The following DSE variants were observed in gnomAD, a reference collection of about 807,000 sequenced individuals.
The protein encoded by DSE is dermatan-sulfate epimerase.
In DSE, 36 loss-of-function variants were observed where a neutral mutation model predicts 84.4. The observed-to-expected ratio is 0.43, with a 90% CI of 0.33 to 0.56. The LOEUF (loss-of-function observed/expected upper bound fraction) is 0.56. DSE is among the 20% of genes least tolerant of loss of function. The pLI is 0.06. For missense variants in DSE, 862 were observed against 1,169.6 expected (o/e 0.74, Z 3.84); for synonymous variants, 410 against 430.1 (o/e 0.95, Z 0.58).
At chr6:116,326,588 A>C (rs184710941) in intron 2 of DSE, among the ~76,000 whole-genome samples, 2 of 152,282 alleles carry the variant, frequency 1.3e-5, no homozygotes, top group Admixed American at 1.3e-4. Flanking sequence ...TGAGGCAGCC[A>C]AATCCTGACT....
chr6:116,423,365 TC>T (rs1281772484), intron 2 of DSE, among the ~76,000 whole-genome samples: 5 of 89,694 alleles, frequency 5.6e-5, no homozygotes, highest in African/African-American at 1.6e-4. Context: ...GCTTCTGCGT[TC>T]CCTCACAGGT....
intron 2 of DSE, among the ~76,000 whole-genome samples, chr6:116,303,861 T>C (rs1393150501): frequency 1.3e-5 from 2 of 151,770 alleles, no homozygotes; most frequent in Non-Finnish European, 2.9e-5. Context: ...GGGGGCCCGG[T>C]GCGGTGGCTC....
At chr6:116,330,843 TGAG>T (rs955404474) in intron 2 of DSE, among the ~76,000 whole-genome samples, 20 of 152,164 alleles carry the variant, frequency 1.3e-4, no homozygotes, top group Non-Finnish European at 2.8e-4. Context: ...CATTAAATGA[TGAG>T]GAAAAATTGC....
At chr6:116,399,920 G>C (rs1271764733) in intron 2 of DSE, 9 of 464,924 alleles carry the variant, frequency 1.9e-5, no homozygotes, top group Non-Finnish European at 3.4e-5. Flanking sequence ...TTGCTGAATT[G>C]AGTAAAGAGT....
At chr6:116,432,238 T>C (rs1783886232) in intron 4 of DSE, among the ~76,000 whole-genome samples, 2 of 152,220 alleles carry the variant, frequency 1.3e-5, no homozygotes, top group African/African-American at 4.8e-5. Context: ...ATCTAAAGGC[T>C]AACTACATCA....
intron 1 of DSE, among the ~76,000 whole-genome samples, chr6:116,389,005 AT>A (rs1780732423): frequency 2.0e-5 from 3 of 152,218 alleles, no homozygotes. Context: ...AGAATAAACA[AT>A]GCATTGTACA....
chr6:116,407,585 ACTT>A (rs1405967973), intron 2 of DSE, among the ~76,000 whole-genome samples: 1 of 152,044 alleles, frequency 6.6e-6, no homozygotes, highest in East Asian at 1.9e-4. Flanking sequence ...ACTGTCTTCC[ACTT>A]CTTCTTGTTC....
At chr6:116,408,176 A>T (rs3798410) in intron 2 of DSE, among the ~76,000 whole-genome samples, 52,314 of 152,110 alleles carry the variant, frequency 0.34, 9,283 homozygotes, top group Admixed American at 0.37. Context: ...TCTGACCAGG[A>T]GTGTACATCT....
chr6:116,436,569 G>A lies in DSE; in HGVS notation c.2101G>A (p.Gly701Ser). Residue 701 changes from glycine (G) to serine (S), a missense_variant, in exon 6 of 6, where the codon GGT (glycine) becomes AGT (serine). Around this residue, in one of 4 missense-constraint regions of DSE, gnomAD observed 315 missense variants for 348.1 expected, o/e 0.90. Transcript: ENST00000644252. ...KHAYATYLWT[G>S]EATGQSAFAQ... ...TGCCTACGCCACATACCTGTGGACA[G>A]GTGAGGCCACAGGACAGTCTGCCTT... 1 of 1,614,178 alleles carries A rather than the reference G, an allele frequency of 6.2e-7. No homozygotes were observed. Among genetic ancestry groups the A allele is most frequent in the Non-Finnish European group, 8.5e-7 (1 of 1,180,030 alleles).
chr6:116,333,402 G>A (rs1275568514), intron 2 of DSE, among the ~76,000 whole-genome samples: 2 of 152,114 alleles, frequency 1.3e-5, no homozygotes, highest in East Asian at 3.9e-4. Context: ...ATGAAACAGA[G>A]AAAAAGAGGG....
chr6:116,304,393 A>G (rs1356691961), intron 2 of DSE, among the ~76,000 whole-genome samples: 1 of 152,196 alleles, frequency 6.6e-6, no homozygotes, highest in South Asian at 2.1e-4. Flanking sequence ...CAGGAGATAG[A>G]GTGCCATCCC....
Position 116,440,761 on chromosome 6 carries a change from C to G in DSE, c.*3416C>G, listed in dbSNP as rs1784398593. 2.0e-5 allele frequency: 3 copies of G among 152,136 alleles called. No homozygotes were observed. The highest frequency in any genetic ancestry group is 7.2e-5 in the African/African-American group (3 of 41,422). The allele number at this position is 152,136 out of a possible 1,614,324, so 9.4% of individuals were successfully genotyped here. On this transcript the variant is annotated 3_prime_UTR_variant, in exon 6 of 6. Transcript: ENST00000644252. The stretch of plus-strand genomic sequence containing the variant: ...TAGGTGAACTGGGACATATGGTCAT[C>G]TTTGTCATAGCTTAATTCAGGAAAA...
At chr6:116,303,342 G>T (rs11153608) in intron 2 of DSE, among the ~76,000 whole-genome samples, 36,568 of 151,924 alleles carry the variant, frequency 0.24, 5,529 homozygotes, top group East Asian at 0.64. Flanking sequence ...CTTGCACTCT[G>T]CAATCCCCAT....
At chr6:116,412,271 T>C (rs1448291820) in intron 2 of DSE, among the ~76,000 whole-genome samples, 2 of 152,036 alleles carry the variant, frequency 1.3e-5, no homozygotes, top group African/African-American at 2.4e-5. Flanking sequence ...TTTTTTTTTT[T>C]CCACACCATG....
intron 2 of DSE, among the ~76,000 whole-genome samples, chr6:116,285,269 A>T (rs935667471): frequency 1.7e-4 from 26 of 152,340 alleles, no homozygotes; most frequent in African/African-American, 6.3e-4. Context: ...TCTGATGGCC[A>T]GTGATGATGA....
In DSE at chr6:116,433,561, T is replaced by C. The variant is rs1195563670; in HGVS notation, c.1118+11T>C. On this transcript the variant is annotated intron_variant, in intron 5 of 5. Transcript: ENST00000644252. The stretch of plus-strand genomic sequence containing the variant: ...CACAGAATTTCTCTGGTATGACACA[T>C]TGGGCTAGCTTTAAAGAGAAATGGT... 4 of 1,586,480 alleles carry C rather than the reference T, an allele frequency of 2.5e-6. No homozygotes were observed. Among genetic ancestry groups the C allele is most frequent in the Non-Finnish European group, 3.4e-6 (4 of 1,164,804 alleles).
At position 116,436,485 on chromosome 6, in the gene DSE, A is replaced by G. The variant is rs1290139400; in HGVS notation, c.2017A>G (p.Ser673Gly). The G allele has an allele frequency of 6.2e-7, 1 of 1,614,138 alleles. No homozygotes were observed. The highest frequency in any genetic ancestry group is 2.2e-5 in the East Asian group (1 of 44,872). ...LFIGPSIDVQ[S>G]FTVHGDSQQL... ...CATAGGGCCATCTATAGATGTTCAG[A>G]GCTTCACTGTCCACGGAGACTCTCA... The change falls in exon 6 of 6, where the codon AGC becomes GGC. Residue 673 changes from serine (S) to glycine (G), a missense_variant. This residue lies in a region of DSE where 315 missense variants were observed against 348.1 expected (regional missense o/e 0.90). Transcript: ENST00000644252.
chr6:116,280,377 C>T (rs9488884), intron 2 of DSE: 3,776 of 184,936 alleles, frequency 0.02, 141 homozygotes, highest in African/African-American at 0.083. Context: ...CAATTCTTGC[C>T]TCTACGGTTA....
At chr6:116,281,032 A>C (rs1484932750) in intron 2 of DSE, among the ~76,000 whole-genome samples, 2 of 152,180 alleles carry the variant, frequency 1.3e-5, no homozygotes, top group African/African-American at 4.8e-5. Flanking sequence ...AAAGATTTGG[A>C]GATGAGAAGA....
Sources: allele counts gnomAD v4.1 joint callset (sites outside exome capture counted in the v4.1 genomes callset), GRCh38; gene constraint gnomAD v4.1.1; regional missense constraint gnomAD v4.1.1; transcripts MANE v1.5; gene names NCBI Gene and HGNC (gene_info 2026-07-23, HGNC 2026-07-21).